The following FRMD4B variants were observed in gnomAD, a reference collection of about 807,000 sequenced individuals.
The protein encoded by FRMD4B is FERM domain containing 4B.
FRMD4B carries 74 observed loss-of-function variants against 141.5 expected under a neutral mutation model. The observed-to-expected ratio is 0.52, with a 90% confidence interval of 0.43 to 0.63. FRMD4B has a LOEUF of 0.63. Among genes scored for constraint, FRMD4B ranks in the 30% least tolerant of loss-of-function variants. FRMD4B has a pLI of 0.00. For missense variants in FRMD4B, 1,366 were observed against 1,253.4 expected (o/e 1.09, Z -1.36); for synonymous variants, 506 against 467.9 (o/e 1.08, Z -1.05).
At chr3:69,427,994 G>A (rs953291842) in intron 2 of FRMD4B, among the ~76,000 whole-genome samples, 10 of 152,058 alleles carry the variant, frequency 6.6e-5, no homozygotes, top group African/African-American at 2.4e-4. Flanking sequence ...TAATTTCCCA[G>A]TTAGAGACAA....
At chr3:69,423,689 G>T (rs978577595) in intron 2 of FRMD4B, among the ~76,000 whole-genome samples, 1 of 152,138 alleles carries the variant, frequency 6.6e-6, no homozygotes, top group Non-Finnish European at 1.5e-5. Context: ...CCTCATGAAC[G>T]GGATTAGTGC....
intron 1 of FRMD4B, among the ~76,000 whole-genome samples, chr3:69,484,635 G>C (rs1706184121): frequency 6.6e-6 from 1 of 152,070 alleles, no homozygotes; most frequent in South Asian, 2.1e-4. Flanking sequence ...ACTTTCTACA[G>C]CTGGTGTTCC....
intron 7 of FRMD4B, among the ~76,000 whole-genome samples, chr3:69,235,975 T>C (rs1372528078): frequency 6.6e-6 from 1 of 152,236 alleles, no homozygotes; most frequent in Admixed American, 6.5e-5. Flanking sequence ...CTTCAGCATT[T>C]ATCATTATGG....
intron 16 of FRMD4B, 55 bp from the exon 17 acceptor site, chr3:69,193,928 C>A: frequency 9.2e-7 from 1 of 1,081,180 alleles, no homozygotes; most frequent in South Asian, 1.4e-5. Flanking sequence ...TCAACTCTTA[C>A]ATGCATTGTG....
chr3:69,188,620 G>A (rs1429141970), intron 18 of FRMD4B, among the ~76,000 whole-genome samples: 2 of 151,712 alleles, frequency 1.3e-5, no homozygotes, highest in Non-Finnish European at 2.9e-5. Flanking sequence ...AGCCGGGCGC[G>A]GTGGCGGGCG....
intron 2 of FRMD4B, among the ~76,000 whole-genome samples, chr3:69,423,629 A>G (rs562573064): frequency 6.6e-6 from 1 of 152,184 alleles, no homozygotes; most frequent in Non-Finnish European, 1.5e-5. Context: ...CCGTGTCAGA[A>G]TGATAGGAGA....
intron 2 of FRMD4B, among the ~76,000 whole-genome samples, chr3:69,414,450 T>C (rs1304432218): frequency 6.6e-6 from 1 of 152,244 alleles, no homozygotes; most frequent in Non-Finnish European, 1.5e-5. Context: ...TGGTTCTTCT[T>C]TTCAGCGAAG....
chr3:69,314,031 C>A (rs1000719808), intron 1 of FRMD4B, among the ~76,000 whole-genome samples: 4 of 142,384 alleles, frequency 2.8e-5, no homozygotes, highest in East Asian at 2.1e-4. Context: ...CCCAGCTACT[C>A]GGGAGGCTGA....
rs1461575838 is a variant in FRMD4B, at chr3:69,168,866, T to C, written c.*2995A>G. Among the ~76,000 whole-genome samples, 2 of 152,186 alleles carry C rather than the reference T, an allele frequency of 1.3e-5. No individual in the cohort carries two copies. The highest frequency in any genetic ancestry group is 4.8e-5 in the African/African-American group (2 of 41,458). On this transcript the variant is annotated 3_prime_UTR_variant, in exon 23 of 23. Coordinates refer to ENST00000398540, the MANE Select transcript of FRMD4B (RefSeq NM_015123.3). ...AAGAATTTTGAAAATTTTTGTCAAA[T>C]ATAGAAAAATAGATAAACATCTAGT... is the stretch of plus-strand genomic sequence containing the variant.
chr3:69,287,543 C>T (rs777531076), intron 5 of FRMD4B: 13 of 555,080 alleles, frequency 2.3e-5, no homozygotes, highest in South Asian at 4.4e-5. Context: ...GCAGGATTCC[C>T]GTGCAGATGG....
intron 2 of FRMD4B, among the ~76,000 whole-genome samples, chr3:69,422,942 G>C (rs945288816): frequency 2.6e-5 from 4 of 152,170 alleles, no homozygotes; most frequent in Non-Finnish European, 4.4e-5. Context: ...AGGGATTGCT[G>C]AGCTCTGACT....
intron 1 of FRMD4B, among the ~76,000 whole-genome samples, chr3:69,482,093 A>C (rs1240239989): frequency 2.6e-5 from 4 of 152,220 alleles, no homozygotes. Flanking sequence ...GACAAAAATC[A>C]TCACCTGGGT....
chr3:69,256,675 G>T (rs2093495098), intron 5 of FRMD4B, among the ~76,000 whole-genome samples: 1 of 152,128 alleles, frequency 6.6e-6, no homozygotes, highest in Non-Finnish European at 1.5e-5. Flanking sequence ...TGCCAACACT[G>T]AAGACCTCTA....
chr3:69,331,941 A>G (rs1031573359), intron 1 of FRMD4B, among the ~76,000 whole-genome samples: 4 of 152,098 alleles, frequency 2.6e-5, no homozygotes, highest in Non-Finnish European at 4.4e-5. Flanking sequence ...TACAAAAATT[A>G]GCCTAGCGCA....
intron 1 of FRMD4B, among the ~76,000 whole-genome samples, chr3:69,355,421 C>G (rs9825845): frequency 6.6e-6 from 1 of 151,664 alleles, no homozygotes; most frequent in East Asian, 1.9e-4. Context: ...TTGACAGAAC[C>G]TTCTATTTGT....
intron 1 of FRMD4B, among the ~76,000 whole-genome samples, chr3:69,362,037 T>C (rs12629224): frequency 0.37 from 55,659 of 152,096 alleles, 12,140 homozygotes; most frequent in African/African-American, 0.61. Flanking sequence ...ATTTTAGTTA[T>C]TTTAGTGACT....
At chr3:69,317,944 C>T (rs756994445) in intron 1 of FRMD4B, among the ~76,000 whole-genome samples, 76 of 151,782 alleles carry the variant, frequency 5.0e-4, no homozygotes, top group South Asian at 1.0e-3. Context: ...CCATTTTTTT[C>T]CCTCTCTTAA....
chr3:69,253,461 A>C (rs907222174), intron 5 of FRMD4B, among the ~76,000 whole-genome samples: 1 of 151,394 alleles, frequency 6.6e-6, no homozygotes, highest in African/African-American at 2.5e-5. Flanking sequence ...TGTTATCAAC[A>C]TACACTCTCA....
intron 1 of FRMD4B, among the ~76,000 whole-genome samples, chr3:69,457,537 G>A (rs1007953938): frequency 6.6e-6 from 1 of 152,212 alleles, no homozygotes; most frequent in African/African-American, 2.4e-5. Context: ...CACACTGCTT[G>A]TCATTACTGC....
Sources: gnomAD v4.1 joint callset for allele counts (sites outside exome capture counted in the v4.1 genomes callset) on GRCh38, gnomAD v4.1.1 for gene constraint, MANE v1.5 for transcripts, NCBI Gene and HGNC (gene_info 2026-07-23, HGNC 2026-07-21) for gene names.